The following UBAP2 variants were observed in gnomAD, a reference collection of about 807,000 sequenced individuals.
UBAP2 encodes the protein ubiquitin associated protein 2.
A neutral mutation model predicts 139.6 loss-of-function variants in UBAP2; 75 were observed. That is an observed-to-expected ratio of 0.54 (90% CI 0.45 to 0.65). The LOEUF is 0.65. UBAP2 is among the 30% of genes least tolerant of loss of function. UBAP2 has a pLI of 0.00. For synonymous variants in UBAP2, 526 were observed against 526.2 expected (o/e 1.00, Z 0.01); for missense variants, 1,368 against 1,369.6 (o/e 1.00, Z 0.02).
At chr9:34,003,327 G>A (rs1822886898) in intron 2 of UBAP2, among the ~76,000 whole-genome samples, 1 of 151,304 alleles carries the variant, frequency 6.6e-6, no homozygotes, top group East Asian at 1.9e-4. Flanking sequence ...CACTGTGGCA[G>A]GCTGAGGTCC....
rs185482567 is a variant in UBAP2 at position 34,028,928 on chromosome 9, C to T, written c.-41-11739G>A. On this transcript the variant is annotated intron_variant, in intron 1 of 28. Coordinates refer to ENST00000379238, the MANE Select transcript of UBAP2 (RefSeq NM_001370062.2). Reference sequence around the variant, plus strand: ...GCAGGAGGTGAGCAAACCTGGGCGGCGTGGCAAGTCCTCGTCTATACAATA... The same window carrying T: ...GCAGGAGGTGAGCAAACCTGGGCGGTGTGGCAAGTCCTCGTCTATACAATA... Among the ~76,000 whole-genome samples, 8 of 152,088 alleles carry T rather than the reference C, an allele frequency of 5.3e-5. No homozygotes were observed. In the East Asian group the frequency reaches 5.8e-4, roughly 11 times the overall value.
rs1366524156 is a variant in UBAP2, at chr9:33,948,533, T to C, written c.1111A>G (p.Ile371Val). 4.3e-6 allele frequency: 7 copies of C among 1,614,068 alleles called. No homozygotes were observed. The highest frequency in any genetic ancestry group is 1.7e-5 in the Admixed American group (1 of 59,992). ...GELAPPKMAN[I>V]TSSQILDQLK... ...TGGTCCAAAATCTGGGAGCTGGTGA[T>C]GTTTGCCATTTTTGGTGGTGCAAGC... The change falls in exon 13 of 29, where the codon ATC (isoleucine) becomes GTC (valine). Residue 371 changes from isoleucine (I) to valine (V), a missense_variant. Coordinates refer to ENST00000379238, the MANE Select transcript of UBAP2 (RefSeq NM_001370062.2).
intron 11 of UBAP2, among the ~76,000 whole-genome samples, chr9:33,955,794 T>C (rs1247159527): frequency 9.3e-5 from 14 of 150,076 alleles, no homozygotes; most frequent in Non-Finnish European, 1.5e-4. Context: ...GCCACTGCAC[T>C]CTAGCCTGGG....
chr9:33,976,067 A>T (rs1355496754), intron 6 of UBAP2, among the ~76,000 whole-genome samples: 1 of 152,070 alleles, frequency 6.6e-6, no homozygotes, highest in Non-Finnish European at 1.5e-5. Context: ...AATTTTTTTA[A>T]TAAATGTTTT....
At chr9:34,037,447 TAA>T (rs969303032) in intron 1 of UBAP2, among the ~76,000 whole-genome samples, 2 of 152,204 alleles carry the variant, frequency 1.3e-5, no homozygotes, top group African/African-American at 4.8e-5. Context: ...TATACTACCT[TAA>T]GTTTTTACTA....
chr9:33,988,448 A>T (rs887878199), intron 5 of UBAP2, among the ~76,000 whole-genome samples: 1 of 152,236 alleles, frequency 6.6e-6, no homozygotes, highest in African/African-American at 2.4e-5. Flanking sequence ...CCTAGGTCTA[A>T]TGGAAATGAG....
At chr9:34,030,093 G>A (rs1347322038) in intron 1 of UBAP2, among the ~76,000 whole-genome samples, 1 of 152,000 alleles carries the variant, frequency 6.6e-6, no homozygotes, top group East Asian at 1.9e-4. Context: ...GTGGGGCCAG[G>A]AGTTCAAGAC....
intron 19 of UBAP2, chr9:33,928,221 A>C: frequency 2.1e-6 from 1 of 467,284 alleles, no homozygotes; most frequent in Non-Finnish European, 3.8e-6. Context: ...GAACATCAAA[A>C]CTATTAACAT....
intron 2 of UBAP2, among the ~76,000 whole-genome samples, chr9:34,009,429 A>G (rs2131243295): frequency 6.6e-6 from 1 of 152,152 alleles, no homozygotes; most frequent in African/African-American, 2.4e-5. Context: ...AATTTTTTAA[A>G]AAATATTTTT....
intron 8 of UBAP2, 57 bp downstream of exon 8, chr9:33,971,594 C>A (rs1827920255): frequency 4.0e-6 from 4 of 1,002,428 alleles, no homozygotes; most frequent in Non-Finnish European, 3.2e-6. Flanking sequence ...TGAGAACATA[C>A]AACTCTTAAT....
chr9:33,926,785 T>C, intron 21 of UBAP2, 121 bp from the exon 22 acceptor site: 1 of 1,130,670 alleles, frequency 8.8e-7, no homozygotes, highest in African/African-American at 1.5e-5. Flanking sequence ...GGGATCTGGA[T>C]TAGCTGTTAC....
chr9:33,941,110 CAACTT>C (rs1214376014), intron 16 of UBAP2, among the ~76,000 whole-genome samples: 4 of 152,114 alleles, frequency 2.6e-5, no homozygotes, highest in South Asian at 2.1e-4. Flanking sequence ...TGGTACATCT[CAACTT>C]AACAGAAAGC....
At chr9:34,006,793 G>A (rs1191152211) in intron 2 of UBAP2, among the ~76,000 whole-genome samples, 1 of 152,106 alleles carries the variant, frequency 6.6e-6, no homozygotes, top group African/African-American at 2.4e-5. Context: ...CAAACACAAG[G>A]AATATTGTTC....
In UBAP2 at chr9:33,980,220, C is replaced by CTTTTTTTTTTTTTTTTTTTTTTTTTTT. The variant is rs1173781682; in HGVS notation, c.520+6513_520+6539dup. Among the ~76,000 whole-genome samples, 22 of 49,134 alleles carry CTTTTTTTTTTTTTTTTTTTTTTTTTTT rather than the reference C, an allele frequency of 4.5e-4. 8 individuals are homozygous for CTTTTTTTTTTTTTTTTTTTTTTTTTTT. The highest frequency in any genetic ancestry group is 1.0e-3 in the South Asian group (1 of 1,002). 32.2% of individuals were successfully genotyped at this position (49,134 alleles called of 152,430 possible). ...TTAATCCAAATCCTGAGTGTCATTT[C>CTTTTTTTTTTTTTTTTTTTTTTTTTTT]TTTTTTTTTTTTTTTTTTTTTTTTT... On this transcript the variant is annotated intron_variant, in intron 6 of 28. Coordinates refer to ENST00000379238, the MANE Select transcript of UBAP2 (RefSeq NM_001370062.2).
chr9:34,029,099 G>C (rs945871258), intron 1 of UBAP2, among the ~76,000 whole-genome samples: 2 of 151,930 alleles, frequency 1.3e-5, no homozygotes, highest in East Asian at 1.9e-4. Flanking sequence ...CTGGGCAATA[G>C]AGTAAGACCA....
At chr9:33,955,580 G>A (rs1274195483) in intron 11 of UBAP2, among the ~76,000 whole-genome samples, 1 of 151,972 alleles carries the variant, frequency 6.6e-6, no homozygotes, top group Admixed American at 6.6e-5. Context: ...TGTAATCCCA[G>A]CACTTTCGGA....
In UBAP2 at chr9:33,924,289, G is replaced by A. The variant is rs1379500760; in HGVS notation, c.2512-5C>T. 5 of 1,613,114 alleles carry A rather than the reference G, an allele frequency of 3.1e-6. No individual in the cohort carries two copies. The highest frequency in any genetic ancestry group is 3.4e-6 in the Non-Finnish European group (4 of 1,179,180). On this transcript the variant is annotated splice_region_variant and splice_polypyrimidine_tract_variant and intron_variant, in intron 22 of 28. Transcript: ENST00000379238. Reference sequence around the variant, plus strand: ...AAAGGGAATTCCATAGTAGTCCTAGGAGAGACCAGGGAGGCTTGATCAGCG... The same window carrying A: ...AAAGGGAATTCCATAGTAGTCCTAGAAGAGACCAGGGAGGCTTGATCAGCG...
At chr9:33,924,919 A>G (rs1823288277) in intron 22 of UBAP2, among the ~76,000 whole-genome samples, 1 of 152,208 alleles carries the variant, frequency 6.6e-6, no homozygotes, top group East Asian at 1.9e-4. Context: ...TAAGCTCATC[A>G]GCTATCTTTA....
chr9:34,022,925 C>A (rs1252634388), intron 1 of UBAP2, among the ~76,000 whole-genome samples: 1 of 151,976 alleles, frequency 6.6e-6, no homozygotes, highest in Non-Finnish European at 1.5e-5. Flanking sequence ...TTCTCAGTGA[C>A]CCCATTTATG....
Sources: gnomAD v4.1 joint callset for allele counts (sites outside exome capture counted in the v4.1 genomes callset) on GRCh38, gnomAD v4.1.1 for gene constraint, MANE v1.5 for transcripts, NCBI Gene and HGNC (gene_info 2026-07-23, HGNC 2026-07-21) for gene names.